Variants in ARMCX4 observed in about 807,000 individuals in gnomAD.
The protein encoded by ARMCX4 is armadillo repeat-containing X-linked protein 4.
In ARMCX4, 3 loss-of-function variants were observed where a neutral mutation model predicts 34.7. The observed-to-expected ratio is 0.09, with a 90% CI of 0.04 to 0.22. The LOEUF is 0.22. Ranked by LOEUF, ARMCX4 falls within the 10% of genes least tolerant of loss-of-function variation. ARMCX4 has a pLI of 1.00. For synonymous variants in ARMCX4, 513 were observed against 632.8 expected (o/e 0.81, Z 2.84); for missense variants, 1,448 against 1,720.8 (o/e 0.84, Z 2.81).
At chrX:101,471,994 C>T (rs868963956) in intron 4 of ARMCX4, among the ~76,000 whole-genome samples, 2 of 82,923 alleles carry the variant, frequency 2.4e-5, no homozygotes, top group Non-Finnish European at 4.6e-5. Flanking sequence ...AGGCTTCAGA[C>T]GATCAAATTA....
intron 2 of ARMCX4, among the ~76,000 whole-genome samples, chrX:101,442,027 A>G (rs1555997004): frequency 8.9e-6 from 1 of 112,193 alleles, no homozygotes; most frequent in African/African-American, 3.2e-5. Flanking sequence ...TTATCCACCC[A>G]TTCATTTATT....
chrX:101,433,083 T>C (rs1165704238), intron 2 of ARMCX4, among the ~76,000 whole-genome samples: 1 of 110,117 alleles, frequency 9.1e-6, no homozygotes, highest in Admixed American at 9.6e-5. Context: ...CACATATGTA[T>C]ACATATATGT....
At chrX:101,419,510 T>G (rs1214394081) in intron 2 of ARMCX4, among the ~76,000 whole-genome samples, 3 of 112,050 alleles carry the variant, frequency 2.7e-5, no homozygotes, top group African/African-American at 9.8e-5. Context: ...TAAAGAGTAG[T>G]GGGGATATGA....
chrX:101,452,629 C>T (rs1297516573), downstream of ARMCX4, among the ~76,000 whole-genome samples: 1 of 110,520 alleles, frequency 9.0e-6, no homozygotes, highest in Non-Finnish European at 1.9e-5. Flanking sequence ...AGTCTCAGCT[C>T]ACCGCAATCT....
intron 2 of ARMCX4, among the ~76,000 whole-genome samples, chrX:101,433,240 GTATATATACACACA>G (rs1930396346): frequency 3.2e-5 from 1 of 31,524 alleles, no homozygotes; most frequent in Non-Finnish European, 8.9e-5. Flanking sequence ...GTACACATAT[GTATATATACACACA>G]TATATACATA....
At chrX:101,523,421 A>T (rs782361564) in intron 11 of ARMCX4, among the ~76,000 whole-genome samples, 9 of 112,487 alleles carry the variant, frequency 8.0e-5, no homozygotes, top group African/African-American at 2.9e-4. Flanking sequence ...AGCCATCCAC[A>T]TATCCAATGG....
rs1556009652 is a variant in ARMCX4 at position 101,492,331 on chromosome X, G to A, written c.3742G>A (p.Gly1248Arg). ...AGQASDGSWP[G>R]GQASGVSWVG... Reference sequence around the variant, plus strand: ...TCAGGCCAGTGATGGGTCCTGGCCTGGGGGACAGGCCAGTGGGGTGTCCTG... The same window carrying A: ...TCAGGCCAGTGATGGGTCCTGGCCTAGGGGACAGGCCAGTGGGGTGTCCTG... The change falls in exon 6 of 6, where the codon GGG becomes AGG. Residue 1248 changes from glycine to arginine, a missense_variant. Transcript: ENST00000423738. 4.4e-6 allele frequency: 5 copies of A among 1,148,490 alleles called. No homozygotes were observed. In the African/African-American group the frequency reaches 5.5e-5, roughly 13 times the overall value. The allele number at this position is 1,148,490 out of a possible 1,213,427, so 94.6% of individuals were successfully genotyped here. A position where few individuals can be genotyped will look rare whatever the true frequency, so the allele number is the denominator to read the frequency against.
intron 4 of ARMCX4, among the ~76,000 whole-genome samples, chrX:101,474,469 A>G (rs1373857929): frequency 9.5e-6 from 1 of 105,686 alleles, no homozygotes; most frequent in East Asian, 3.0e-4. Context: ...TGAGGCCAGC[A>G]TCATTCTGAT....
chrX:101,423,377 G>A (rs1929397003), intron 2 of ARMCX4, among the ~76,000 whole-genome samples: 1 of 107,922 alleles, frequency 9.3e-6, no homozygotes, highest in Non-Finnish European at 1.9e-5. Flanking sequence ...CAGCACTTTG[G>A]GAGGCCGAGG....
At chrX:101,452,594 C>T (rs1389741657), downstream of ARMCX4, among the ~76,000 whole-genome samples, 1 of 110,680 alleles carries the variant, frequency 9.0e-6, no homozygotes, top group Non-Finnish European at 1.9e-5. Flanking sequence ...TTCACTCTGT[C>T]GCCTAGGCTG....
At chrX:101,467,667 TG>T (rs1253793086) in intron 4 of ARMCX4, among the ~76,000 whole-genome samples, 41 of 109,488 alleles carry the variant, frequency 3.7e-4, no homozygotes, top group Admixed American at 2.1e-3. Flanking sequence ...TATTTCATGG[TG>T]GGGGGGGGAC....
chrX:101,439,583 G>T (rs1411403520), intron 2 of ARMCX4, among the ~76,000 whole-genome samples: 2 of 111,919 alleles, frequency 1.8e-5, no homozygotes, highest in East Asian at 2.8e-4. Context: ...TTCCAACTTG[G>T]TTCCATTCTC....
chrX:101,472,503 T>C (rs1473014789), intron 4 of ARMCX4, among the ~76,000 whole-genome samples: 2 of 70,119 alleles, frequency 2.9e-5, no homozygotes, highest in Non-Finnish European at 2.6e-5. Context: ...GACACATAAT[T>C]GTCAGATTCA....
In ARMCX4 at chrX:101,494,047, G is replaced by GAGGCTC. The variant is rs1934095769; in HGVS notation, c.5458_5459insAGGCTC (p.Gly1820delinsGluAlaArg). The GAGGCTC allele has an allele frequency of 3.1e-6, 3 of 981,331 alleles. No homozygotes were observed. The highest frequency in any genetic ancestry group is 3.9e-4 in the Middle Eastern group (1 of 2,582). The allele number at this position is 981,331 out of a possible 1,213,427, so 80.9% of individuals were successfully genotyped here. ...TGGGGCTGGGGCTGAGGCTGGGGCT[G>GAGGCTC]GGGCTGAGGCTGGGGCTGGGGCTGG... On this transcript the variant is annotated protein_altering_variant, in exon 6 of 6. Coordinates refer to ENST00000423738, the MANE Select transcript of ARMCX4 (RefSeq NM_001256155.3).
In ARMCX4 at chrX:101,488,983, C is replaced by G. The variant is rs1556007711; in HGVS notation, c.394C>G (p.Leu132Val). The change falls in exon 6 of 6, where the codon CTG (leucine) becomes GTG (valine). Residue 132 changes from leucine (L) to valine (V), a missense_variant. By Grantham distance (32) the Leu-to-Val change is conservative. Coordinates refer to ENST00000423738, the MANE Select transcript of ARMCX4 (RefSeq NM_001256155.3). Reference protein sequence around the residue: ...GTLVMTEAVTLTEVKAKAREV... With the variant: ...GTLVMTEAVTVTEVKAKAREV... ...ACTGGTCATGACAGAGGCAGTGACTCTGACTGAGGTCAAGGCCAAAGCCAG... is the reference window on the plus strand; with the variant it reads ...ACTGGTCATGACAGAGGCAGTGACTGTGACTGAGGTCAAGGCCAAAGCCAG... The G allele has an allele frequency of 1.7e-6, 2 of 1,156,061 alleles. No homozygotes were observed. Among genetic ancestry groups the G allele is most frequent in the East Asian group, 3.2e-5 (1 of 30,784 alleles).
intron 2 of ARMCX4, among the ~76,000 whole-genome samples, chrX:101,437,892 T>C (rs1469317861): frequency 1.8e-5 from 2 of 112,055 alleles, no homozygotes; most frequent in East Asian, 5.6e-4. Flanking sequence ...TCTGCCTTCA[T>C]TTCGTTATGT....
At chrX:101,432,191 A>G (rs1485608942) in intron 2 of ARMCX4, among the ~76,000 whole-genome samples, 1 of 111,780 alleles carries the variant, frequency 8.9e-6, no homozygotes, top group Non-Finnish European at 1.9e-5. Context: ...ACTGAATGAC[A>G]ACTTAGCCTT....
chrX:101,507,303 C>T (rs1217168817), intron 8 of ARMCX4, among the ~76,000 whole-genome samples: 4 of 111,787 alleles, frequency 3.6e-5, no homozygotes, highest in Non-Finnish European at 5.6e-5. Flanking sequence ...CTCTTCCACT[C>T]TCTGTCTCAC....
chrX:101,473,720 A>G (rs1243358600), intron 4 of ARMCX4, among the ~76,000 whole-genome samples: 1 of 100,545 alleles, frequency 9.9e-6, no homozygotes, highest in Non-Finnish European at 2.0e-5. Context: ...TGGATACATA[A>G]CGAAATGAAG....
Sources: allele counts gnomAD v4.1 joint callset (sites outside exome capture counted in the v4.1 genomes callset), GRCh38; gene constraint gnomAD v4.1.1; transcripts MANE v1.5; gene names NCBI Gene and HGNC (gene_info 2026-07-23, HGNC 2026-07-21).